The following WWC2 variants were observed in gnomAD, a reference collection of about 807,000 sequenced individuals.
WWC2 encodes protein WWC2.
WWC2 carries 101 observed loss-of-function variants against 138.5 expected under a neutral mutation model. The observed-to-expected ratio is 0.73, with a 90% CI of 0.62 to 0.86. WWC2 has a LOEUF of 0.86. Among genes scored for constraint, WWC2 ranks in the 40% least tolerant of loss-of-function variants. The pLI is 0.00. For synonymous variants in WWC2, 558 were observed against 538.4 expected (o/e 1.04, Z -0.50); for missense variants, 1,420 against 1,419.4 (o/e 1.00, Z -0.01).
At position 183,099,563 on chromosome 4, in the gene WWC2, C is replaced by T; in HGVS notation, c.72C>T (p.Gly24=). The part of the protein sequence containing the change: ...RGWEEARDYD[G]KVFYIDHNTR... Reference sequence around the variant, plus strand: ...GGGAGGAGGCCAGGGACTACGACGGCAAGGTCTTCTACATTGACCACAACA... The same window carrying T: ...GGGAGGAGGCCAGGGACTACGACGGTAAGGTCTTCTACATTGACCACAACA... The change falls in exon 1 of 23, where the codon GGC becomes GGT. Residue 24 remains glycine, a synonymous_variant. Coordinates refer to ENST00000403733, the MANE Select transcript of WWC2 (RefSeq NM_024949.6). 7.0e-7 allele frequency: 1 copy of T among 1,423,716 alleles called. No homozygotes were observed. The highest frequency in any genetic ancestry group is 1.4e-5 in the South Asian group (1 of 70,906). 88.2% of individuals were successfully genotyped at this position (1,423,716 alleles called of 1,614,324 possible). A position where few individuals can be genotyped will look rare whatever the true frequency, so the allele number is the denominator to read the frequency against.
At position 183,209,076 on chromosome 4, in the gene WWC2, G is replaced by A. The variant is rs865933264; in HGVS notation, c.522+51G>A. The A allele has an allele frequency of 3.6e-5, 45 of 1,261,766 alleles. No individual in the cohort carries two copies. In the Middle Eastern group the frequency reaches 7.4e-4, roughly 21 times the overall value. 78.2% of individuals were successfully genotyped at this position (1,261,766 alleles called of 1,614,324 possible). On this transcript the variant is annotated intron_variant, in intron 4 of 22. Coordinates refer to ENST00000403733, the MANE Select transcript of WWC2 (RefSeq NM_024949.6). ...ATGTTGACCCATATGCATAGAGTCT[G>A]AAGGCTGTGGAAGGGGCTTTAGTGA... is the stretch of plus-strand genomic sequence containing the variant.
At position 183,285,821 on chromosome 4, in the gene WWC2, G is replaced by A. The variant is rs547997506; in HGVS notation, c.3049-146G>A. On this transcript the variant is annotated intron_variant, in intron 19 of 22. Transcript: ENST00000403733. ...GAAGTTATTTAACAAAATAGAACAG[G>A]AAAAACTTGTTTGAGGGGATTTTCT... 9.2e-5 allele frequency: 62 copies of A among 673,840 alleles called. No homozygotes were observed. In the South Asian group the frequency reaches 1.2e-3, roughly 13 times the overall value. 41.7% of individuals were successfully genotyped at this position (673,840 alleles called of 1,614,324 possible).
intron 20 of WWC2, among the ~76,000 whole-genome samples, chr4:183,287,541 G>A (rs1446268286): frequency 1.3e-5 from 2 of 152,116 alleles, no homozygotes; most frequent in East Asian, 3.8e-4. Context: ...AACAGACAAA[G>A]GTTAATCCTG....
intron 14 of WWC2, 97 bp downstream of exon 14, chr4:183,266,048 C>A: frequency 8.5e-7 from 1 of 1,179,684 alleles, no homozygotes; most frequent in Non-Finnish European, 1.2e-6. Context: ...AATGAAGATA[C>A]GGAAAAGACA....
chr4:183,196,499 T>G (rs28470483), intron 2 of WWC2, among the ~76,000 whole-genome samples: 1,757 of 152,344 alleles, frequency 0.012, 39 homozygotes, highest in African/African-American at 0.04. Context: ...GCAGATCTCC[T>G]TGGGTGATAA....
At chr4:183,124,565 G>A (rs1357225087) in intron 1 of WWC2, among the ~76,000 whole-genome samples, 1 of 137,658 alleles carries the variant, frequency 7.3e-6, no homozygotes, top group Non-Finnish European at 1.5e-5. Flanking sequence ...TGGGATTACA[G>A]GCATGAGCCA....
intron 16 of WWC2, among the ~76,000 whole-genome samples, 177 bp from the exon 17 acceptor site, chr4:183,280,599 A>G (rs1283786577): frequency 6.6e-6 from 1 of 152,098 alleles, no homozygotes; most frequent in Non-Finnish European, 1.5e-5. Context: ...TCATTGCTTT[A>G]AAACATCTGA....
intron 1 of WWC2, among the ~76,000 whole-genome samples, chr4:183,191,526 T>C (rs988779244): frequency 2.0e-5 from 3 of 152,170 alleles, no homozygotes; most frequent in Non-Finnish European, 4.4e-5. Flanking sequence ...CTCTAGGTTG[T>C]ATAGTGAGTA....
intron 4 of WWC2, among the ~76,000 whole-genome samples, chr4:183,237,839 A>ATT (rs1171016564): frequency 6.6e-6 from 1 of 151,572 alleles, no homozygotes; most frequent in Admixed American, 6.6e-5. Flanking sequence ...CCCTCTTGAC[A>ATT]TTTTTCTCTT....
chr4:183,116,042 C>T (rs1022527941), intron 1 of WWC2, among the ~76,000 whole-genome samples: 4 of 152,158 alleles, frequency 2.6e-5, no homozygotes, highest in African/African-American at 9.7e-5. Flanking sequence ...GGTCCAGTTT[C>T]AGTCTTCTGC....
chr4:183,188,861 G>T (rs1278023732), intron 1 of WWC2, among the ~76,000 whole-genome samples: 1 of 151,776 alleles, frequency 6.6e-6, no homozygotes. Flanking sequence ...GGCCAGGCTG[G>T]TCTCGAACTC....
rs369345159 is a variant in WWC2, at chr4:183,245,248, A to AAGAG, written c.603-162_603-159dup. Among the ~76,000 whole-genome samples, 160 of 146,596 alleles carry AAGAG rather than the reference A, an allele frequency of 1.1e-3. 1 individual carries two copies. The highest frequency in any genetic ancestry group is 4.1e-3 in the African/African-American group (153 of 36,986). On this transcript the variant is annotated intron_variant, in intron 5 of 22. Coordinates refer to ENST00000403733, the MANE Select transcript of WWC2 (RefSeq NM_024949.6). ...TCTAAAAAAAAAAAAAAAAAAAAAA[A>AAGAG]AGAGAGAGAAAGGAGGAGAAACTGC...
At position 183,317,252 on chromosome 4, in the gene WWC2, A is replaced by T. The variant is rs539989854; in HGVS notation, c.*1523A>T. 1 of 152,256 alleles carries T rather than the reference A, an allele frequency of 6.6e-6. No homozygotes were observed. Among genetic ancestry groups the T allele is most frequent in the African/African-American group, 2.4e-5 (1 of 41,552 alleles). 9.4% of individuals were successfully genotyped at this position (152,256 alleles called of 1,614,324 possible). A position where few individuals can be genotyped will look rare whatever the true frequency, so the allele number is the denominator to read the frequency against. On this transcript the variant is annotated 3_prime_UTR_variant, in exon 23 of 23. Coordinates refer to ENST00000403733, the MANE Select transcript of WWC2 (RefSeq NM_024949.6). ...AATTTTTATTTTCTTGAAAGCAATT[A>T]TATATATTTTGGAAAGTTCATGTTA...
intron 1 of WWC2, 134 bp from the exon 2 acceptor site, chr4:183,193,465 G>C: frequency 1.4e-6 from 1 of 728,270 alleles, no homozygotes; most frequent in Non-Finnish European, 2.3e-6. Context: ...ATATACATCT[G>C]TATTTTATCC....
At chr4:183,283,019 A>G (rs1738132177) in intron 18 of WWC2, 113 bp downstream of exon 18, 1 of 1,165,648 alleles carries the variant, frequency 8.6e-7, no homozygotes, top group African/African-American at 1.5e-5. Flanking sequence ...TTTTGTGCCA[A>G]AAGCTGATCG....
At chr4:183,270,269 ATT>A (rs1269507513) in intron 15 of WWC2, among the ~76,000 whole-genome samples, 1 of 152,190 alleles carries the variant, frequency 6.6e-6, no homozygotes, top group East Asian at 1.9e-4. Context: ...GTGTAATTGA[ATT>A]TAGATTTTGT....
At chr4:183,214,318 C>T (rs749848277) in intron 4 of WWC2, among the ~76,000 whole-genome samples, 6 of 152,068 alleles carry the variant, frequency 3.9e-5, no homozygotes, top group Non-Finnish European at 8.8e-5. Context: ...TGGTGATGAG[C>T]TTAGAAAAGT....
intron 9 of WWC2, among the ~76,000 whole-genome samples, chr4:183,259,311 T>G (rs1737249518): frequency 6.6e-6 from 1 of 152,146 alleles, no homozygotes; most frequent in Admixed American, 6.5e-5. Context: ...TTTGGTTAGT[T>G]TTTTGTTTCC....
At chr4:183,228,021 A>G (rs765007332) in intron 4 of WWC2, among the ~76,000 whole-genome samples, 2 of 152,048 alleles carry the variant, frequency 1.3e-5, no homozygotes, top group Admixed American at 6.6e-5. Flanking sequence ...TAAAAATACA[A>G]TGGTTAAAAG....
Sources: gnomAD v4.1 joint callset for allele counts (sites outside exome capture counted in the v4.1 genomes callset) on GRCh38, gnomAD v4.1.1 for gene constraint, MANE v1.5 for transcripts, NCBI Gene and HGNC (gene_info 2026-07-23, HGNC 2026-07-21) for gene names.